The following RAB7B variants were observed in gnomAD, a reference collection of about 807,000 sequenced individuals.
RAB7B encodes the protein RAB7B, member RAS oncogene family, also known as ras-related protein Rab-7b.
At chr1:205,993,015 C>T (rs1660751029) in intron 3 of RAB7B, among the ~76,000 whole-genome samples, 1 of 152,214 alleles carries the variant, frequency 6.6e-6, no homozygotes, top group Non-Finnish European at 1.5e-5. Context: ...CCTAAGATCA[C>T]CTGCCAGGTT....
At chr1:205,989,145 CT>C (rs2102637728) in intron 4 of RAB7B, among the ~76,000 whole-genome samples, 2 of 150,072 alleles carry the variant, frequency 1.3e-5, no homozygotes, top group African/African-American at 5.1e-5. Flanking sequence ...CCTCCATCCT[CT>C]CCTCACCCCT....
chr1:205,986,001 G>C (rs1660598730), intron 4 of RAB7B, among the ~76,000 whole-genome samples: 1 of 152,254 alleles, frequency 6.6e-6, no homozygotes, highest in Admixed American at 6.5e-5. Context: ...TTGAACACAG[G>C]CCTGGCGGAA....
In RAB7B at chr1:205,978,438, G is replaced by C. The variant is rs1223588368; in HGVS notation, c.*413C>G. The C allele has an allele frequency of 6.4e-6, 1 of 156,552 alleles. No homozygotes were observed. The highest frequency in any genetic ancestry group is 1.4e-5 in the Non-Finnish European group (1 of 71,150). The allele number at this position is 156,552 out of a possible 1,614,324, so 9.7% of individuals were successfully genotyped here. On this transcript the variant is annotated 3_prime_UTR_variant, in exon 6 of 6. Coordinates refer to ENST00000617070, the MANE Select transcript of RAB7B (RefSeq NM_001164522.3). The stretch of plus-strand genomic sequence containing the variant: ...GTCCAAAGCTTTGCTTGTGGCTGAG[G>C]GGTGTGAGGTGGGAGCGGGTGAGGA...
At chr1:205,989,665 G>A (rs997064752) in intron 4 of RAB7B, among the ~76,000 whole-genome samples, 1 of 151,482 alleles carries the variant, frequency 6.6e-6, no homozygotes, top group Non-Finnish European at 1.5e-5. Context: ...CCCAGCCTCC[G>A]CCACCCCAGC....
chr1:205,996,543 C>T (rs1362006456), intron 1 of RAB7B, among the ~76,000 whole-genome samples: 1 of 152,170 alleles, frequency 6.6e-6, no homozygotes, highest in Non-Finnish European at 1.5e-5. Context: ...GTGAAAAATG[C>T]TTTATCTGCT....
chr1:205,999,533 T>C (rs1660857910), intron 1 of RAB7B, among the ~76,000 whole-genome samples: 2 of 152,188 alleles, frequency 1.3e-5, no homozygotes, highest in Admixed American at 6.5e-5. Flanking sequence ...GAGTATGAAT[T>C]AGCACAGTCT....
intron 4 of RAB7B, among the ~76,000 whole-genome samples, chr1:205,990,346 G>T (rs1660698419): frequency 6.6e-6 from 1 of 152,218 alleles, no homozygotes; most frequent in Non-Finnish European, 1.5e-5. Context: ...ATTGAGGAGA[G>T]TCGTTAATGT....
chr1:205,988,079 G>A (rs891600501), intron 4 of RAB7B, among the ~76,000 whole-genome samples: 62 of 151,646 alleles, frequency 4.1e-4, no homozygotes, highest in African/African-American at 1.3e-3. Flanking sequence ...ATGGGCATTC[G>A]GTACATTCAT....
At position 205,978,520 on chromosome 1, in the gene RAB7B, T is replaced by C. The variant is rs1254907249; in HGVS notation, c.*331A>G. 23 of 209,870 alleles carry C rather than the reference T, an allele frequency of 1.1e-4. No homozygotes were observed. The Admixed American group carries it at 1.4e-3, about 12-fold the overall frequency. 13.0% of individuals were successfully genotyped at this position (209,870 alleles called of 1,614,324 possible). A position where few individuals can be genotyped will look rare whatever the true frequency, so the allele number is the denominator to read the frequency against. On this transcript the variant is annotated 3_prime_UTR_variant, in exon 6 of 6. Coordinates refer to ENST00000617070, the MANE Select transcript of RAB7B (RefSeq NM_001164522.3). ...CCAATCAGTGGCCGGTCTGCGGAGATGTGTGTTCTGGAGCGGGAGTGTTTG... is the reference window on the plus strand; with the variant it reads ...CCAATCAGTGGCCGGTCTGCGGAGACGTGTGTTCTGGAGCGGGAGTGTTTG...
chr1:206,000,599 G>A (rs1660877030), intron 1 of RAB7B, among the ~76,000 whole-genome samples: 1 of 152,198 alleles, frequency 6.6e-6, no homozygotes, highest in South Asian at 2.1e-4. Context: ...CATGTGTCAT[G>A]ATCTTATAAC....
chr1:205,981,287 C>T (rs2102631029), intron 5 of RAB7B, among the ~76,000 whole-genome samples: 1 of 152,312 alleles, frequency 6.6e-6, no homozygotes, highest in Admixed American at 6.5e-5. Flanking sequence ...TTAGGGCATC[C>T]TTCGTCATAT....
At chr1:205,998,049 G>A (rs1324012300) in intron 1 of RAB7B, among the ~76,000 whole-genome samples, 2 of 152,200 alleles carry the variant, frequency 1.3e-5, no homozygotes, top group Admixed American at 1.3e-4. Flanking sequence ...AAGAGCTAGT[G>A]TTTGAATCAA....
chr1:205,988,478 C>T (rs1159605154), intron 4 of RAB7B, among the ~76,000 whole-genome samples: 3 of 152,152 alleles, frequency 2.0e-5, no homozygotes, highest in Non-Finnish European at 2.9e-5. Context: ...CAAGCTATCC[C>T]CCGACTTTGG....
chr1:205,999,755 T>C (rs1255669496), intron 1 of RAB7B, among the ~76,000 whole-genome samples: 77 of 152,288 alleles, frequency 5.1e-4, no homozygotes, highest in Non-Finnish European at 8.8e-5. Flanking sequence ...AATTAGCTGT[T>C]TTATTATTTA....
rs1000208746 is a variant in RAB7B at position 205,982,700 on chromosome 1, G to T, written c.522+2840C>A. Reference sequence around the variant, plus strand: ...AGATCGTTCCGACTTCAGAGGCCCAGCTCTTTCCACCCCAGCTGGGGGCTC... The same window carrying T: ...AGATCGTTCCGACTTCAGAGGCCCATCTCTTTCCACCCCAGCTGGGGGCTC... On this transcript the variant is annotated intron_variant, in intron 5 of 5. Transcript: ENST00000617070. Among the ~76,000 whole-genome samples the T allele has an allele frequency of 9.9e-4, 151 of 152,256 alleles. 3 individuals carry two copies. The highest frequency in any genetic ancestry group is 8.4e-3 in the Admixed American group (128 of 15,298).
intron 5 of RAB7B, among the ~76,000 whole-genome samples, 177 bp from the exon 6 acceptor site, chr1:205,979,105 G>A (rs958102496): frequency 8.5e-5 from 13 of 152,234 alleles, no homozygotes; most frequent in Non-Finnish European, 1.5e-4. Flanking sequence ...TCTTCCCTGT[G>A]TCTCCCCTCC....
chr1:206,001,039 G>C (rs1461242489), intron 1 of RAB7B, among the ~76,000 whole-genome samples: 4 of 152,150 alleles, frequency 2.6e-5, no homozygotes, highest in African/African-American at 9.7e-5. Flanking sequence ...GCTACTGCAG[G>C]TTCCCCTACC....
intron 1 of RAB7B, chr1:205,994,412 C>T (rs1660775804): frequency 3.8e-6 from 1 of 263,436 alleles, no homozygotes; most frequent in Admixed American, 5.4e-5. Flanking sequence ...TCTACCAACC[C>T]TGCTCTTGGA....
chr1:205,987,714 G>A lies in RAB7B; in HGVS notation c.397-2049C>T, dbSNP rs973565840. On this transcript the variant is annotated intron_variant, in intron 4 of 5. Coordinates refer to ENST00000617070, the MANE Select transcript of RAB7B (RefSeq NM_001164522.3). ...TGAATAAATTCCTTGTAGCATAGAT[G>A]CCAGCAAAGCTATTCTTTCTAATAA... is the stretch of plus-strand genomic sequence containing the variant. Among the ~76,000 whole-genome samples, 1,115 of 152,172 alleles carry A rather than the reference G, an allele frequency of 7.3e-3. 15 individuals carry two copies. The highest frequency in any genetic ancestry group is 0.026 in the African/African-American group (1,066 of 41,512).
Sources: gnomAD v4.1 joint callset for allele counts (sites outside exome capture counted in the v4.1 genomes callset) on GRCh38, gnomAD v4.1.1 for gene constraint, MANE v1.5 for transcripts, NCBI Gene and HGNC (gene_info 2026-07-23, HGNC 2026-07-21) for gene names.